Variants in TEX9 observed in about 807,000 individuals in gnomAD.
TEX9 encodes the protein testis expressed 9, also known as testis-expressed protein 9.
TEX9 carries 74 observed loss-of-function variants against 59.6 expected under a neutral mutation model. The observed-to-expected ratio is 1.24, with a 90% CI of 1.03 to 1.51. The LOEUF is 1.51. Ranked by LOEUF, TEX9 falls within the 40% of genes most tolerant of loss-of-function variation. The pLI, the probability that TEX9 is intolerant of heterozygous loss-of-function variation, is 0.00. For missense variants in TEX9, 522 were observed against 447.8 expected, an observed-to-expected ratio of 1.17 and a Z score of -1.49; for synonymous variants, 186 against 152.2, an observed-to-expected ratio of 1.22 and a Z score of -1.64.
At chr15:56,408,500 C>G (rs945032327) in intron 9 of TEX9, 2 of 152,142 alleles carry the variant, frequency 1.3e-5, no homozygotes, top group Admixed American at 1.3e-4. Context: ...GCTTTATATA[C>G]CATCTATATA....
intron 1 of TEX9, among the ~76,000 whole-genome samples, chr15:56,329,050 C>A (rs2046086707): frequency 6.6e-6 from 1 of 151,920 alleles, no homozygotes; most frequent in Non-Finnish European, 1.5e-5. Context: ...GCTGGTGTCA[C>A]CCCACCCCCA....
intron 1 of TEX9, among the ~76,000 whole-genome samples, chr15:56,283,775 A>G (rs1401527386): frequency 1.3e-5 from 2 of 152,182 alleles, no homozygotes; most frequent in Non-Finnish European, 2.9e-5. Flanking sequence ...AACCATAGTT[A>G]AAATTAAGAG....
At chr15:56,288,008 A>G (rs2044993974) in intron 1 of TEX9, among the ~76,000 whole-genome samples, 1 of 152,154 alleles carries the variant, frequency 6.6e-6, no homozygotes, top group Admixed American at 6.5e-5. Flanking sequence ...TCTTTGACAT[A>G]CTGATTTCAT....
At chr15:56,365,586 G>A (rs1483029832) in exon 2 of TEX9, 2 of 1,614,096 alleles carry the variant, frequency 1.2e-6, no homozygotes, top group Admixed American at 1.7e-5. Flanking sequence ...CAGAGAAGCA[G>A]CGTTCCAGGG....
At chr15:56,277,754 A>C (rs983983664) in intron 1 of TEX9, among the ~76,000 whole-genome samples, 1 of 152,254 alleles carries the variant, frequency 6.6e-6, no homozygotes, top group East Asian at 1.9e-4. Flanking sequence ...CAAGGCCAAA[A>C]AATTTTGCAC....
chr15:56,456,607 A>G, the TEX9 span: 6 of 1,398,434 alleles, frequency 4.3e-6, no homozygotes, highest in Non-Finnish European at 5.9e-6. Context: ...ACAGAAAACT[A>G]AATGCCTTAA....
intron 1 of TEX9, among the ~76,000 whole-genome samples, chr15:56,352,192 G>A (rs2046595700): frequency 6.6e-6 from 1 of 152,178 alleles, no homozygotes; most frequent in Admixed American, 6.5e-5. Flanking sequence ...ACAGGAGTGG[G>A]TTGGAAAGTG....
chr15:56,424,655 C>T (rs2050155082), intron 10 of TEX9, among the ~76,000 whole-genome samples: 1 of 152,084 alleles, frequency 6.6e-6, no homozygotes, highest in African/African-American at 2.4e-5. Context: ...CCCTGCCCTA[C>T]CTTGTGTTAC....
intron 9 of TEX9, among the ~76,000 whole-genome samples, chr15:56,407,113 T>G (rs949373282): frequency 3.3e-5 from 5 of 152,008 alleles, no homozygotes; most frequent in Admixed American, 6.6e-5. Context: ...CTCAAAATCA[T>G]ATATAAATTG....
chr15:56,402,568 G>A lies in TEX9; in HGVS notation c.828+7734G>A, dbSNP rs1174276851. On this transcript the variant is annotated intron_variant, in intron 9 of 12. Coordinates refer to ENST00000352903, the Ensembl canonical transcript of TEX9. ...AATTCTACCAGAGGTATAAGGAGGA[G>A]CTGGAACCATTCCTTCTGAAACTGT... 5.3e-5 allele frequency among the ~76,000 whole-genome samples: 8 copies of A among 152,298 alleles called. No individual in the cohort carries two copies. In the East Asian group the frequency reaches 5.8e-4, roughly 11 times the overall value.
At chr15:56,355,638 T>A (rs1277386460) in intron 1 of TEX9, among the ~76,000 whole-genome samples, 1 of 152,146 alleles carries the variant, frequency 6.6e-6, no homozygotes, top group Non-Finnish European at 1.5e-5. Flanking sequence ...CTGATAAATT[T>A]CTACAAAAGT....
At chr15:56,272,968 A>T (rs1204817530) in intron 1 of TEX9, among the ~76,000 whole-genome samples, 1 of 148,504 alleles carries the variant, frequency 6.7e-6, no homozygotes, top group Non-Finnish European at 1.5e-5. Context: ...TGTTGTTGAG[A>T]CAGAGTCTCA....
At chr15:56,321,440 TCAGCA>T (rs1424381579) in intron 1 of TEX9, among the ~76,000 whole-genome samples, 2 of 152,196 alleles carry the variant, frequency 1.3e-5, no homozygotes, top group East Asian at 3.9e-4. Flanking sequence ...AGAGTAACCT[TCAGCA>T]ATTCAACAAC....
intron 12 of TEX9, among the ~76,000 whole-genome samples, chr15:56,430,414 C>T (rs1447101850): frequency 1.3e-5 from 2 of 152,156 alleles, no homozygotes; most frequent in Non-Finnish European, 2.9e-5. Flanking sequence ...CCATGTTTCC[C>T]AGGCTGGTCT....
At chr15:56,272,427 G>A (rs2044557945) in intron 1 of TEX9, among the ~76,000 whole-genome samples, 1 of 152,152 alleles carries the variant, frequency 6.6e-6, no homozygotes, top group South Asian at 2.1e-4. Context: ...CATCTGTGTT[G>A]TAGCATGTAT....
At chr15:56,438,355 C>T (rs1429902054) in intron 12 of TEX9, among the ~76,000 whole-genome samples, 3 of 151,852 alleles carry the variant, frequency 2.0e-5, no homozygotes, top group African/African-American at 7.3e-5. Flanking sequence ...ACAAAAAAGA[C>T]AGGTTTGTTA....
intron 10 of TEX9, among the ~76,000 whole-genome samples, chr15:56,426,241 TGCAA>T (rs1221256575): frequency 6.6e-6 from 1 of 152,044 alleles, no homozygotes; most frequent in African/African-American, 2.4e-5. Flanking sequence ...GCCAGAATGT[TGCAA>T]GCAAGTCTAC....
intron 1 of TEX9, among the ~76,000 whole-genome samples, chr15:56,333,695 A>AAATAAAGG (rs2046204131): frequency 6.6e-6 from 1 of 152,200 alleles, no homozygotes; most frequent in African/African-American, 2.4e-5. Flanking sequence ...CAAGAGAAAG[A>AAATAAAGG]AATAAAGGAT....
intron 10 of TEX9, among the ~76,000 whole-genome samples, chr15:56,414,899 C>G (rs1302039066): frequency 3.3e-5 from 5 of 151,780 alleles, no homozygotes; most frequent in Non-Finnish European, 5.9e-5. Context: ...CTCACCAGAT[C>G]TGTTATTTTT....
Sources: allele counts gnomAD v4.1 joint callset (sites outside exome capture counted in the v4.1 genomes callset), GRCh38; gene constraint gnomAD v4.1.1; transcripts MANE v1.5; gene names NCBI Gene and HGNC (gene_info 2026-07-23, HGNC 2026-07-21).